Variants in CC2D2B observed in about 807,000 individuals in gnomAD.
CC2D2B encodes the protein protein CC2D2B.
CC2D2B carries 128 observed loss-of-function variants against 161.2 expected under a neutral mutation model. The ratio of observed to expected loss-of-function variants is 0.79; its 90% confidence interval spans 0.69 to 0.92. The LOEUF (loss-of-function observed/expected upper bound fraction) is 0.92, where lower values mean the gene tolerates loss of function less well. CC2D2B is among the 40% of genes least tolerant of loss of function. CC2D2B has a pLI of 0.00. For synonymous variants in CC2D2B, 391 were observed against 449.8 expected (o/e 0.87, Z 1.65); for missense variants, 1,173 against 1,375.1 (o/e 0.85, Z 2.32).
At chr10:95,941,812 C>T (rs73317179) in intron 9 of CC2D2B, among the ~76,000 whole-genome samples, 3,981 of 152,030 alleles carry the variant, frequency 0.026, 157 homozygotes, top group African/African-American at 0.086. Flanking sequence ...AAAATAGAAC[C>T]GTAATATGAT....
At chr10:96,027,514 C>T in intron 34 of CC2D2B, 125 bp downstream of exon 34, 1 of 609,216 alleles carries the variant, frequency 1.6e-6, no homozygotes, top group South Asian at 2.7e-5. Flanking sequence ...GATGCTATAG[C>T]ATTAAAATAC....
chr10:95,918,380 G>A (rs1309645855), intron 2 of CC2D2B, among the ~76,000 whole-genome samples: 1 of 152,052 alleles, frequency 6.6e-6, no homozygotes, highest in Admixed American at 6.5e-5. Flanking sequence ...TATTTTCACT[G>A]GATACAATTT....
intron 12 of CC2D2B, among the ~76,000 whole-genome samples, chr10:95,963,042 C>T (rs1343639427): frequency 6.6e-6 from 1 of 152,076 alleles, no homozygotes; most frequent in African/African-American, 2.4e-5. Context: ...ACCTGAGGCC[C>T]TTTGTGTTTG....
At chr10:95,966,589 A>G (rs2076948380) in intron 14 of CC2D2B, among the ~76,000 whole-genome samples, 1 of 152,046 alleles carries the variant, frequency 6.6e-6, no homozygotes. Flanking sequence ...AAACTGTGAT[A>G]TCTTCACTGC....
At chr10:95,968,608 A>C in intron 14 of CC2D2B, 116 bp from the exon 15 acceptor site, 1 of 417,798 alleles carries the variant, frequency 2.4e-6, no homozygotes, top group Non-Finnish European at 4.1e-6. Context: ...TGTAAAGATA[A>C]CATTTGTCCT....
At position 96,032,690 on chromosome 10, in the gene CC2D2B, G is replaced by C; in HGVS notation, c.*682G>C. On this transcript the variant is annotated 3_prime_UTR_variant, in exon 35 of 35. Coordinates refer to ENST00000646931, the MANE Select transcript of CC2D2B (RefSeq NM_001349008.3). The stretch of plus-strand genomic sequence containing the variant: ...AATCTACCATGTTGGGCTGATGTTG[G>C]CTTCTGGAAGCTTCTCAAAAGTTTG... 1 of 425,982 alleles carries C rather than the reference G, an allele frequency of 2.3e-6. No individual in the cohort carries two copies. Among genetic ancestry groups the C allele is most frequent in the Non-Finnish European group, 4.9e-6 (1 of 205,640 alleles). The allele number at this position is 425,982 out of a possible 1,614,324, so 26.4% of individuals were successfully genotyped here.
intron 10 of CC2D2B, among the ~76,000 whole-genome samples, chr10:95,951,083 T>G (rs916042492): frequency 3.3e-5 from 5 of 152,200 alleles, no homozygotes; most frequent in African/African-American, 4.8e-5. Context: ...CCTCCCAAAG[T>G]GCTGAGATTA....
chr10:95,920,197 C>G (rs1383298902), intron 2 of CC2D2B: 2 of 152,014 alleles, frequency 1.3e-5, no homozygotes, highest in African/African-American at 4.8e-5. Context: ...GTAGTCCATT[C>G]TCGCACTGCT....
intron 10 of CC2D2B, chr10:95,952,226 T>C (rs1356843660): frequency 1.3e-5 from 2 of 152,228 alleles, no homozygotes; most frequent in East Asian, 3.8e-4. Flanking sequence ...TATATGAGTA[T>C]GACTTCCACT....
intron 6 of CC2D2B, among the ~76,000 whole-genome samples, chr10:95,930,382 T>C (rs1202099166): frequency 6.6e-6 from 1 of 152,250 alleles, no homozygotes; most frequent in Non-Finnish European, 1.5e-5. Flanking sequence ...TTGAATACCC[T>C]TTATTTCTTT....
At chr10:95,923,889 C>T (rs981320797) in intron 3 of CC2D2B, among the ~76,000 whole-genome samples, 10 of 152,004 alleles carry the variant, frequency 6.6e-5, no homozygotes, top group African/African-American at 1.2e-4. Flanking sequence ...GGTGTGGTGG[C>T]GCACGCCTGT....
Position 95,922,084 on chromosome 10 carries a change from A to T in CC2D2B, c.97+8A>T. The T allele has an allele frequency of 2.1e-6, 3 of 1,416,122 alleles. No homozygotes were observed. Among genetic ancestry groups the T allele is most frequent in the Non-Finnish European group, 2.9e-6 (3 of 1,026,496 alleles). 87.7% of individuals were successfully genotyped at this position (1,416,122 alleles called of 1,614,324 possible). A position where few individuals can be genotyped will look rare whatever the true frequency, so the allele number is the denominator to read the frequency against. Reference sequence around the variant, plus strand: ...ACAAGCATCTCCAAAAAGGTTCTCAATAAGTATACCATAACTCTGATACTC... The same window carrying T: ...ACAAGCATCTCCAAAAAGGTTCTCATTAAGTATACCATAACTCTGATACTC... On this transcript the variant is annotated splice_region_variant and intron_variant, in intron 3 of 34. Coordinates refer to ENST00000646931, the MANE Select transcript of CC2D2B (RefSeq NM_001349008.3).
chr10:95,976,556 G>T (rs971156965), intron 17 of CC2D2B, among the ~76,000 whole-genome samples: 4 of 152,210 alleles, frequency 2.6e-5, no homozygotes, highest in Non-Finnish European at 1.5e-5. Context: ...CTCAAGGACT[G>T]GCTCTGAGCA....
At chr10:95,910,259 C>T (rs980174166) in intron 1 of CC2D2B, among the ~76,000 whole-genome samples, 1 of 152,182 alleles carries the variant, frequency 6.6e-6, no homozygotes, top group African/African-American at 2.4e-5. Flanking sequence ...GAATGATACT[C>T]TTGTATTAGG....
intron 28 of CC2D2B, 109 bp from the exon 29 acceptor site, chr10:96,013,679 T>C: frequency 1.7e-6 from 1 of 582,604 alleles, no homozygotes. Context: ...AATAATAGTG[T>C]CTACTTTTAT....
intron 25 of CC2D2B, among the ~76,000 whole-genome samples, chr10:96,004,871 A>G (rs1223405501): frequency 1.3e-5 from 2 of 152,216 alleles, no homozygotes; most frequent in Non-Finnish European, 2.9e-5. Flanking sequence ...TGGCAATGCT[A>G]CTGAAGGAGC....
chr10:95,935,738 C>T (rs555227578), intron 6 of CC2D2B, among the ~76,000 whole-genome samples: 461 of 152,218 alleles, frequency 3.0e-3, no homozygotes, highest in African/African-American at 0.011. Context: ...AGCTGTGTCC[C>T]CCGCTAACTT....
chr10:95,925,147 A>T (rs964948879), intron 5 of CC2D2B, among the ~76,000 whole-genome samples: 2 of 152,256 alleles, frequency 1.3e-5, no homozygotes, highest in East Asian at 3.8e-4. Flanking sequence ...GTTTATTTGA[A>T]CAGGCAACAA....
intron 34 of CC2D2B, among the ~76,000 whole-genome samples, chr10:96,030,338 C>G (rs1426647411): frequency 6.6e-6 from 1 of 151,986 alleles, no homozygotes. Flanking sequence ...TTCTCCTACT[C>G]TACCCCAAGC....
Sources: allele counts gnomAD v4.1 joint callset (sites outside exome capture counted in the v4.1 genomes callset), GRCh38; gene constraint gnomAD v4.1.1; transcripts MANE v1.5; gene names NCBI Gene and HGNC (gene_info 2026-07-23, HGNC 2026-07-21).